SPATA13: variants seen among roughly 807,000 people sequenced by gnomAD.
SPATA13 encodes spermatogenesis associated 13, also known as spermatogenesis-associated protein 13.
Under a neutral mutation model 104.0 loss-of-function variants are expected in SPATA13, and 50 were observed. The ratio of observed to expected loss-of-function variants is 0.48; its 90% CI spans 0.38 to 0.61. SPATA13 has a LOEUF of 0.61. SPATA13 is among the 20% of genes least tolerant of loss of function. The probability of loss-of-function intolerance (pLI) is 0.00; values close to 1 mark genes in which losing one functional copy is unlikely to be tolerated. For synonymous variants in SPATA13, 606 were observed against 667.5 expected (o/e 0.91, Z 1.42); for missense variants, 1,524 against 1,690.6 (o/e 0.90, Z 1.73).
intron 3 of SPATA13, among the ~76,000 whole-genome samples, chr13:24,112,566 A>G (rs1278606232): frequency 3.3e-5 from 5 of 152,224 alleles, no homozygotes; most frequent in African/African-American, 1.2e-4. Context: ...ACACACACAC[A>G]CACACACAAA....
intron 2 of SPATA13, among the ~76,000 whole-genome samples, chr13:23,995,196 C>CA (rs929595989): frequency 3.5e-4 from 52 of 150,026 alleles, no homozygotes; most frequent in African/African-American, 1.2e-3. Context: ...TGTAACACTA[C>CA]AAAAAAAATT....
At chr13:24,115,496 C>T (rs776525390) in intron 3 of SPATA13, among the ~76,000 whole-genome samples, 5 of 152,250 alleles carry the variant, frequency 3.3e-5, no homozygotes, top group Admixed American at 2.0e-4. Context: ...GAAGGATGTA[C>T]GTTGCGTGCT....
chr13:24,228,366 C>T (rs2138621656), intron 2 of SPATA13, among the ~76,000 whole-genome samples: 1 of 152,126 alleles, frequency 6.6e-6, no homozygotes, highest in Non-Finnish European at 1.5e-5. Flanking sequence ...CTGCCTGCCT[C>T]AGCTTCCCAA....
chr13:24,094,620 G>A (rs1880012718), intron 3 of SPATA13, among the ~76,000 whole-genome samples: 3 of 152,172 alleles, frequency 2.0e-5, no homozygotes, highest in Admixed American at 2.0e-4. Context: ...TTAGCTGTGT[G>A]TGGTGGTGCA....
chr13:24,091,492 T>TA (rs1879910535), intron 3 of SPATA13, among the ~76,000 whole-genome samples: 2 of 152,126 alleles, frequency 1.3e-5, no homozygotes, highest in Non-Finnish European at 2.9e-5. Context: ...CTGAGTAAGG[T>TA]CAAATGAAGA....
intron 5 of SPATA13, among the ~76,000 whole-genome samples, chr13:24,285,750 C>T (rs969833179): frequency 5.9e-5 from 9 of 151,442 alleles, no homozygotes; most frequent in South Asian, 2.1e-4. Flanking sequence ...GCACGATCTC[C>T]GCTCACTGCA....
At chr13:24,140,228 TTTAGG>T (rs1242229507) in intron 3 of SPATA13, among the ~76,000 whole-genome samples, 1 of 152,184 alleles carries the variant, frequency 6.6e-6, no homozygotes, top group Non-Finnish European at 1.5e-5. Flanking sequence ...AGCCTAGTCG[TTTAGG>T]TTAAAGTTCA....
chr13:24,260,763 AAAG>A (rs1362833623), intron 4 of SPATA13, among the ~76,000 whole-genome samples: 5 of 152,216 alleles, frequency 3.3e-5, no homozygotes, highest in Admixed American at 6.5e-5. Flanking sequence ...GCTCAACGTT[AAAG>A]AAGCCAGAAC....
In SPATA13 at chr13:24,123,932, G is replaced by A. The variant is rs190966012; in HGVS notation, c.-111-98887G>A. 118 of 572,408 alleles carry A rather than the reference G, an allele frequency of 2.1e-4. 1 individual carries two copies. Among genetic ancestry groups the A allele is most frequent in the African/African-American group, 2.0e-3 (107 of 53,320 alleles). 35.5% of individuals were successfully genotyped at this position (572,408 alleles called of 1,614,324 possible). Reference sequence around the variant, plus strand: ...TTCCCTAACTCATTTCCTCTTTCAGGCTTTTGAGATAACCTGGGCAGACTC... The same window carrying A: ...TTCCCTAACTCATTTCCTCTTTCAGACTTTTGAGATAACCTGGGCAGACTC... On this transcript the variant is annotated intron_variant, in intron 3 of 14. Coordinates refer to the SPATA13 transcript ENST00000424834.
intron 1 of SPATA13, among the ~76,000 whole-genome samples, chr13:24,199,086 A>G (rs1870254840): frequency 6.6e-6 from 1 of 151,468 alleles, no homozygotes; most frequent in Admixed American, 6.6e-5. Context: ...ACAGGATTTT[A>G]TCATGTTGCT....
intron 3 of SPATA13, among the ~76,000 whole-genome samples, chr13:24,052,836 T>TCCCCCCCCCCCCCCCCCCCCCCCCC (rs1878392957): frequency 7.3e-5 from 1 of 13,616 alleles, no homozygotes; most frequent in Non-Finnish European, 1.2e-4. Context: ...CAGGGGATCC[T>TCCCCCCCCCCCCCCCCCCCCCCCCC]CCCCGCCACT....
intron 5 of SPATA13, among the ~76,000 whole-genome samples, chr13:24,285,986 G>A (rs1380517133): frequency 1.3e-5 from 2 of 152,074 alleles, no homozygotes; most frequent in East Asian, 1.9e-4. Flanking sequence ...CAGTTTAAGC[G>A]CTTTCTTTAA....
intron 1 of SPATA13, among the ~76,000 whole-genome samples, chr13:24,189,688 A>ATATAATATG (rs1374463880): frequency 5.8e-5 from 1 of 17,322 alleles, no homozygotes; most frequent in African/African-American, 8.7e-5. Flanking sequence ...ATATTTATAT[A>ATATAATATG]TAATATATAA....
chr13:24,079,204 A>C (rs1879427520), intron 3 of SPATA13, among the ~76,000 whole-genome samples: 1 of 152,208 alleles, frequency 6.6e-6, no homozygotes, highest in African/African-American at 2.4e-5. Flanking sequence ...GATGGCCCAC[A>C]TGGCTGCAGG....
intron 3 of SPATA13, among the ~76,000 whole-genome samples, chr13:24,029,364 T>C (rs1423013714): frequency 1.7e-5 from 2 of 116,784 alleles, no homozygotes; most frequent in Non-Finnish European, 3.6e-5. Flanking sequence ...TTAGCTTACA[T>C]TTTTTTAGAC....
At chr13:24,275,147 T>A (rs1874884179) in intron 4 of SPATA13, among the ~76,000 whole-genome samples, 1 of 152,106 alleles carries the variant, frequency 6.6e-6, no homozygotes, top group Non-Finnish European at 1.5e-5. Flanking sequence ...TCTGTAGTAG[T>A]TCCTAAAGCT....
chr13:24,006,536 A>G (rs941406648), intron 2 of SPATA13, among the ~76,000 whole-genome samples: 1 of 152,242 alleles, frequency 6.6e-6, no homozygotes, highest in Non-Finnish European at 1.5e-5. Context: ...GAGGTGCGGC[A>G]GAGGAGCGAA....
chr13:24,082,826 CAAAAAAAAA>C (rs3075296), intron 3 of SPATA13, among the ~76,000 whole-genome samples: 12 of 50,066 alleles, frequency 2.4e-4, no homozygotes, highest in South Asian at 1.1e-3. Context: ...GACTCCGTCT[CAAAAAAAAA>C]AAAAAAAAAA....
At chr13:24,140,146 A>T (rs1161250704) in intron 3 of SPATA13, among the ~76,000 whole-genome samples, 2 of 152,094 alleles carry the variant, frequency 1.3e-5, no homozygotes, top group African/African-American at 2.4e-5. Context: ...ATAACCTAGG[A>T]CTGCAAATGC....
Sources: allele counts gnomAD v4.1 joint callset (sites outside exome capture counted in the v4.1 genomes callset), GRCh38; gene constraint gnomAD v4.1.1; transcripts MANE v1.5; gene names NCBI Gene and HGNC (gene_info 2026-07-23, HGNC 2026-07-21).